The following VWA3A variants were observed in gnomAD, a reference collection of about 807,000 sequenced individuals.
VWA3A encodes the protein von Willebrand factor A domain-containing protein 3A.
A neutral mutation model predicts 160.4 loss-of-function variants in VWA3A; 134 were observed. The observed-to-expected ratio is 0.84, with a 90% confidence interval of 0.73 to 0.96. VWA3A has a LOEUF of 0.96. Ranked by LOEUF, VWA3A falls within the 40% of genes least tolerant of loss-of-function variation. The pLI, the probability that VWA3A is intolerant of heterozygous loss-of-function variation, is 0.00. For missense variants in VWA3A, 1,310 were observed against 1,447.9 expected, an observed-to-expected ratio of 0.90 and a Z score of 1.55; for synonymous variants, 476 against 543.4, an observed-to-expected ratio of 0.88 and a Z score of 1.72.
chr16:22,150,804 G>A lies in VWA3A; in HGVS notation c.3239G>A (p.Arg1080Lys). 1 of 1,613,604 alleles carries A rather than the reference G, an allele frequency of 6.2e-7. No homozygotes were observed. The highest frequency in any genetic ancestry group is 1.1e-5 in the South Asian group (1 of 90,944). Residue 1080 changes from arginine to lysine, a missense_variant, in exon 30 of 34, where the codon AGA becomes AAA. Physicochemically the swap from Arg to Lys is conservative, Grantham distance 26. Transcript: ENST00000389398. The part of the protein sequence containing the change: ...LNEVQKLREK[R>K]DVKVHTISLN... The stretch of plus-strand genomic sequence containing the variant: ...GAAGTCCAAAAACTCAGGGAGAAAA[G>A]AGATGTGAAAGTGCACACCATTTCC...
At position 22,122,839 on chromosome 16, in the gene VWA3A, C is replaced by T. The variant is rs571232201; in HGVS notation, c.1357-246C>T. ...GCCTGAGAGGCTTGCTGTCAGGTAT[C>T]GTCCATTCAGGGGATCACTCTCTCT... is the stretch of plus-strand genomic sequence containing the variant. On this transcript the variant is annotated intron_variant, in intron 14 of 33. Coordinates refer to ENST00000389398, the MANE Select transcript of VWA3A (RefSeq NM_173615.5). Among the ~76,000 whole-genome samples, 19 of 152,226 alleles carry T rather than the reference C, an allele frequency of 1.2e-4. No individual in the cohort carries two copies. The South Asian group carries it at 3.7e-3, about 30-fold the overall frequency.
intron 5 of VWA3A, 84 bp downstream of exon 5, chr16:22,100,577 G>A (rs758233782): frequency 1.6e-4 from 215 of 1,345,276 alleles, no homozygotes; most frequent in Non-Finnish European, 2.2e-4. Flanking sequence ...GCTTATACCT[G>A]TAATCCCAGT....
chr16:22,150,894 C>T (rs774315338), intron 30 of VWA3A, 48 bp downstream of exon 30: 1 of 1,567,652 alleles, frequency 6.4e-7, no homozygotes, highest in African/African-American at 1.3e-5. Context: ...TCCACAGCCA[C>T]ACATCTCAGC....
chr16:22,145,538 C>G (rs2046232906), intron 26 of VWA3A, among the ~76,000 whole-genome samples: 1 of 151,696 alleles, frequency 6.6e-6, no homozygotes, highest in Non-Finnish European at 1.5e-5. Flanking sequence ...ACTCAGGAGG[C>G]TGAGGCAGGA....
intron 5 of VWA3A, among the ~76,000 whole-genome samples, 199 bp from the exon 6 acceptor site, chr16:22,103,276 C>G (rs145635355): frequency 1.3e-5 from 2 of 152,102 alleles, no homozygotes; most frequent in Non-Finnish European, 2.9e-5. Flanking sequence ...TCAAGTGATC[C>G]TCCCACGTCA....
intron 27 of VWA3A, among the ~76,000 whole-genome samples, 173 bp from the exon 28 acceptor site, chr16:22,147,989 C>T (rs144711187): frequency 1.3e-5 from 2 of 152,128 alleles, no homozygotes; most frequent in East Asian, 3.9e-4. Flanking sequence ...GGACAATCGA[C>T]CCCTCCCACA....
In VWA3A at chr16:22,153,944, G is replaced by T. The variant is rs568035967; in HGVS notation, c.3405+1310G>T. 2.6e-5 allele frequency among the ~76,000 whole-genome samples: 4 copies of T among 152,010 alleles called. No homozygotes were observed. The East Asian group carries it at 7.7e-4, about 29-fold the overall frequency. On this transcript the variant is annotated intron_variant, in intron 31 of 33. Transcript: ENST00000389398. ...TGTAGAAACAGGATCTCACCATGTT[G>T]CCCAGGCTGATCTCAAACTCCTAGG...
Position 22,131,277 on chromosome 16 carries a change from G to A in VWA3A, c.1725G>A (p.Trp575Ter). Residue 575 changes from tryptophan (W) to a stop codon, truncating the protein, a stop_gained and splice_region_variant, in exon 18 of 34, where the codon TGG (tryptophan) becomes TGA (stop). Coordinates refer to ENST00000389398, the MANE Select transcript of VWA3A (RefSeq NM_173615.5). LOFTEE classifies it high-confidence loss of function. ...PVSHNNLQSA[W>*]RWALNLRCRG... ...GTCACAACAATTTACAAAGTGCCTG[G>A]CGGTAGGTTATGGGCAGAGACTTCG... is the stretch of plus-strand genomic sequence containing the variant. 1.2e-6 allele frequency: 2 copies of A among 1,613,914 alleles called. No individual in the cohort carries two copies.
intron 15 of VWA3A, 115 bp downstream of exon 15, chr16:22,123,280 G>A (rs1474676478): frequency 8.6e-7 from 1 of 1,168,866 alleles, no homozygotes. Flanking sequence ...TTGTAAAGAG[G>A]GACTGTGTGC....
At chr16:22,133,133 A>G in intron 20 of VWA3A, 38 bp downstream of exon 20, 1 of 1,584,940 alleles carries the variant, frequency 6.3e-7, no homozygotes, top group Non-Finnish European at 8.6e-7. Context: ...GCTCATTCCA[A>G]ACAGTTGTCT....
At chr16:22,105,805 T>TA (rs926932533) in intron 6 of VWA3A, among the ~76,000 whole-genome samples, 14 of 152,164 alleles carry the variant, frequency 9.2e-5, no homozygotes, top group South Asian at 2.1e-4. Context: ...GTTTTTAATT[T>TA]AAAAAAATAG....
chr16:22,115,800 GC>G (rs1376464299), intron 9 of VWA3A, among the ~76,000 whole-genome samples: 1 of 147,778 alleles, frequency 6.8e-6, no homozygotes, highest in Non-Finnish European at 1.5e-5. Flanking sequence ...TTGTTCCACT[GC>G]CCTGTAACCT....
At chr16:22,095,166 T>C (rs1045670068) in intron 1 of VWA3A, among the ~76,000 whole-genome samples, 1 of 152,150 alleles carries the variant, frequency 6.6e-6, no homozygotes, top group Non-Finnish European at 1.5e-5. Flanking sequence ...AAGAGCATGG[T>C]TCTATGAAAG....
chr16:22,098,238 G>T (rs1348221110), intron 3 of VWA3A, among the ~76,000 whole-genome samples: 1 of 152,154 alleles, frequency 6.6e-6, no homozygotes, highest in Non-Finnish European at 1.5e-5. Context: ...GCACAACCAT[G>T]TACCTAACCC....
chr16:22,104,445 C>T (rs778440822), intron 6 of VWA3A, among the ~76,000 whole-genome samples: 1 of 152,086 alleles, frequency 6.6e-6, no homozygotes. Flanking sequence ...GCCGAGATCA[C>T]GCCATTGCAC....
At chr16:22,119,110 G>A (rs1598064654) in intron 12 of VWA3A, 83 bp downstream of exon 12, 1 of 1,478,050 alleles carries the variant, frequency 6.8e-7, no homozygotes, top group Middle Eastern at 2.0e-4. Flanking sequence ...CTGTTCATAG[G>A]GGGCACAGCT....
In VWA3A at chr16:22,119,044, T is replaced by C. The variant is rs1471516398; in HGVS notation, c.1116+17T>C. On this transcript the variant is annotated intron_variant, in intron 12 of 33. Coordinates refer to ENST00000389398, the MANE Select transcript of VWA3A (RefSeq NM_173615.5). Reference sequence around the variant, plus strand: ...ATGGAGGAGGTAGGTGGTGCGAGTGTCAATTCTGGGGCCTTCTCCCAGCAG... The same window carrying C: ...ATGGAGGAGGTAGGTGGTGCGAGTGCCAATTCTGGGGCCTTCTCCCAGCAG... 1 of 1,594,740 alleles carries C rather than the reference T, an allele frequency of 6.3e-7. No homozygotes were observed. The highest frequency in any genetic ancestry group is 2.3e-5 in the East Asian group (1 of 43,712).
chr16:22,131,748 G>A lies in VWA3A; in HGVS notation c.1872+19G>A. 3 of 1,608,510 alleles carry A rather than the reference G, an allele frequency of 1.9e-6. No homozygotes were observed. The highest frequency in any genetic ancestry group is 1.1e-5 in the South Asian group (1 of 90,144). ...GGACATGGTGGGTAGGCCACGTCCT[G>A]GGTGTCCATTATCCTTTGCGACCTC... is the stretch of plus-strand genomic sequence containing the variant. On this transcript the variant is annotated intron_variant, in intron 19 of 33. Coordinates refer to ENST00000389398, the MANE Select transcript of VWA3A (RefSeq NM_173615.5).
Position 22,109,557 on chromosome 16 carries a change from G to C in VWA3A, c.559G>C (p.Glu187Gln), listed in dbSNP as rs760918116. Residue 187 changes from glutamate to glutamine, a missense_variant, in exon 7 of 34, where the codon GAA becomes CAA. Coordinates refer to ENST00000389398, the MANE Select transcript of VWA3A (RefSeq NM_173615.5). Reference sequence around the variant, plus strand: ...AGCCATCAGCAGTGGCCCTCAGAAAGAAGAGTTCCAAAAGGACCTCATGGT... The same window carrying C: ...AGCCATCAGCAGTGGCCCTCAGAAACAAGAGTTCCAAAAGGACCTCATGGT... ...VSAISSGPQK[E>Q]EFQKDLMSLI... The C allele has an allele frequency of 1.2e-6, 2 of 1,613,678 alleles. No individual in the cohort carries two copies. The highest frequency in any genetic ancestry group is 1.6e-4 in the Middle Eastern group (1 of 6,062).
Sources: gnomAD v4.1 joint callset for allele counts (sites outside exome capture counted in the v4.1 genomes callset) on GRCh38, gnomAD v4.1.1 for gene constraint, MANE v1.5 for transcripts, NCBI Gene and HGNC (gene_info 2026-07-23, HGNC 2026-07-21) for gene names.